The following CHTOP variants were observed in gnomAD, a reference collection of about 807,000 sequenced individuals.
CHTOP encodes chromatin target of PRMT1, also known as chromatin target of PRMT1 protein.
Under a neutral mutation model 33.6 loss-of-function variants are expected in CHTOP, and 18 were observed. The observed-to-expected ratio is 0.54, with a 90% CI of 0.37 to 0.80. CHTOP has a LOEUF of 0.80. CHTOP is among the 30% of genes least tolerant of loss of function. The pLI, the probability that CHTOP is intolerant of heterozygous loss-of-function variation, is 0.00. For synonymous variants in CHTOP, 117 were observed against 127.7 expected (o/e 0.92, Z 0.56); for missense variants, 263 against 336.8 (o/e 0.78, Z 1.71).
At chr1:153,642,599 C>A in intron 4 of CHTOP, 170 bp downstream of exon 4, 2 of 506,074 alleles carry the variant, frequency 4.0e-6, no homozygotes, top group Non-Finnish European at 3.4e-6. Flanking sequence ...CAATACCATT[C>A]CTTTTCTGAT....
At chr1:153,643,020 C>G (rs1668683919) in intron 4 of CHTOP, 3 of 603,652 alleles carry the variant, frequency 5.0e-6, no homozygotes, top group Non-Finnish European at 8.8e-6. Flanking sequence ...AATTAACTCC[C>G]AACTTCCAAA....
At chr1:153,636,943 C>G (rs1364266505) in intron 2 of CHTOP, 2 of 321,160 alleles carry the variant, frequency 6.2e-6, no homozygotes, top group South Asian at 4.2e-5. Context: ...ATACTGGGGT[C>G]GTGCAGCACG....
intron 3 of CHTOP, among the ~76,000 whole-genome samples, chr1:153,638,724 C>G (rs1004340676): frequency 1.3e-5 from 2 of 152,194 alleles, no homozygotes; most frequent in African/African-American, 4.8e-5. Context: ...TAACCCTTAA[C>G]ATAGATTAAT....
intron 3 of CHTOP, among the ~76,000 whole-genome samples, chr1:153,638,882 CT>C (rs34440523): frequency 0.29 from 41,343 of 142,364 alleles, 6,180 homozygotes; most frequent in African/African-American, 0.39. Flanking sequence ...CAAAGGTTTT[CT>C]TTTTTTTTTT....
Position 153,639,481 on chromosome 1 carries a change from T to C in CHTOP, c.219+1033T>C, listed in dbSNP as rs530690697. On this transcript the variant is annotated intron_variant, in intron 3 of 5. Transcript: ENST00000368694. ...GGGCTTTGGTAGCATTGCATGGCTATGCATAAATTCAGCAGTTAAATATAA... is the reference window on the plus strand; with the variant it reads ...GGGCTTTGGTAGCATTGCATGGCTACGCATAAATTCAGCAGTTAAATATAA... 1.0e-4 allele frequency: 77 copies of C among 770,796 alleles called. No individual in the cohort carries two copies. In the African/African-American group the frequency reaches 1.4e-3, roughly 14 times the overall value. 47.7% of individuals were successfully genotyped at this position (770,796 alleles called of 1,614,324 possible).
intron 5 of CHTOP, chr1:153,644,509 A>G (rs184993688): frequency 6.5e-6 from 1 of 153,298 alleles, no homozygotes; most frequent in East Asian, 1.9e-4. Context: ...AATCTCCCCT[A>G]CATTGTTCCT....
intron 1 of CHTOP, among the ~76,000 whole-genome samples, chr1:153,634,870 G>C (rs960095635): frequency 4.7e-5 from 7 of 149,672 alleles, no homozygotes; most frequent in Middle Eastern, 3.4e-3. Flanking sequence ...TTTTTTGGGG[G>C]GGGACGGAGT....
intron 5 of CHTOP, chr1:153,644,294 T>A (rs1668727771): frequency 6.6e-6 from 1 of 152,238 alleles, no homozygotes; most frequent in South Asian, 2.1e-4. Context: ...GGTTTCAGGA[T>A]GAAATAACAT....
At chr1:153,640,313 A>G (rs1169432837) in intron 3 of CHTOP, among the ~76,000 whole-genome samples, 2 of 137,958 alleles carry the variant, frequency 1.4e-5, no homozygotes, top group African/African-American at 2.6e-5. Context: ...CATCTCTACT[A>G]AAAAAAAAAA....
chr1:153,635,935 A>G (rs1571313209), intron 1 of CHTOP, among the ~76,000 whole-genome samples: 1 of 151,356 alleles, frequency 6.6e-6, no homozygotes, highest in East Asian at 1.9e-4. Flanking sequence ...GTTTGGGGTT[A>G]TTTGTTTGTT....
In CHTOP at chr1:153,645,155, G is replaced by A. The variant is rs1372796265; in HGVS notation, c.633G>A (p.Leu211=). The A allele has an allele frequency of 3.1e-6, 5 of 1,613,958 alleles. 1 individual carries two copies. The highest frequency in any genetic ancestry group is 2.7e-5 in the African/African-American group (2 of 74,864). ...GAGGTGCCCTTGCTCGCCCTGTATT[G>A]ACCAAGGAGCAGCTGGACAACCAAT... ...RGRGALARPV[L]TKEQLDNQLD... Residue 211 remains leucine (L), a synonymous_variant, in exon 6 of 6, where the codon TTG becomes TTA. Transcript: ENST00000368694.
chr1:153,641,035 A>G (rs1281369578), intron 3 of CHTOP, among the ~76,000 whole-genome samples: 1 of 152,242 alleles, frequency 6.6e-6, no homozygotes, highest in Non-Finnish European at 1.5e-5. Flanking sequence ...CTAACCTGAT[A>G]ATTGTGTGTT....
At chr1:153,643,844 C>T (rs1340027831) in intron 5 of CHTOP, 1 of 152,486 alleles carries the variant, frequency 6.6e-6, no homozygotes, top group Non-Finnish European at 1.5e-5. Flanking sequence ...AATTCAATGT[C>T]ACATTTGGTG....
intron 1 of CHTOP, among the ~76,000 whole-genome samples, chr1:153,635,242 C>A (rs934912237): frequency 6.6e-6 from 1 of 152,080 alleles, no homozygotes; most frequent in South Asian, 2.1e-4. Context: ...ACAATTGGTT[C>A]ATTTCCAAAC....
chr1:153,643,207 T>C lies in CHTOP; in HGVS notation c.404-20T>C, dbSNP rs1487680774. 1 of 1,613,822 alleles carries C rather than the reference T, an allele frequency of 6.2e-7. No individual in the cohort carries two copies. The highest frequency in any genetic ancestry group is 1.3e-5 in the African/African-American group (1 of 75,040). On this transcript the variant is annotated intron_variant, in intron 4 of 5. Transcript: ENST00000368694. ...TCTCTTGGATTTACCTGCATATACA[T>C]TGTATGCCTCCTCTCTAAGGTCAAA...
At chr1:153,637,922 G>T in intron 2 of CHTOP, 1 of 219,216 alleles carries the variant, frequency 4.6e-6, no homozygotes, top group East Asian at 1.1e-4. Flanking sequence ...CTCATATTTG[G>T]CCTTAGAATG....
rs767382040 is a variant in CHTOP at position 153,643,222 on chromosome 1, C to CT, written c.404-4dup. The CT allele has an allele frequency of 1.2e-6, 2 of 1,614,128 alleles. No homozygotes were observed. Among genetic ancestry groups the CT allele is most frequent in the Non-Finnish European group, 1.7e-6 (2 of 1,179,996 alleles). On this transcript the variant is annotated splice_region_variant and splice_polypyrimidine_tract_variant and intron_variant, in intron 4 of 5. Transcript: ENST00000368694. ...TGCATATACATTGTATGCCTCCTCTCTAAGGTCAAAACCTGCTCCGAGGTG... is the reference window on the plus strand; with the variant it reads ...TGCATATACATTGTATGCCTCCTCTCTTAAGGTCAAAACCTGCTCCGAGGTG...
rs1668661801 is a variant in CHTOP, at chr1:153,642,448, G to A, written c.403+19G>A. The stretch of plus-strand genomic sequence containing the variant: ...CTCCGAGGTCAGTGCTGTGTACCCT[G>A]ATAATTGTCGGGCCCTACTCCCTTC... On this transcript the variant is annotated intron_variant, in intron 4 of 5. Coordinates refer to ENST00000368694, the MANE Select transcript of CHTOP (RefSeq NM_015607.4). 2 of 1,573,780 alleles carry A rather than the reference G, an allele frequency of 1.3e-6. No individual in the cohort carries two copies. The highest frequency in any genetic ancestry group is 2.7e-5 in the African/African-American group (2 of 73,884).
At chr1:153,636,740 A>G (rs545723415) in intron 2 of CHTOP, 87 bp downstream of exon 2, 2 of 1,117,040 alleles carry the variant, frequency 1.8e-6, no homozygotes, top group South Asian at 2.6e-5. Context: ...AGCCAATTTT[A>G]AGCTAAATAC....
Sources: allele counts gnomAD v4.1 joint callset (sites outside exome capture counted in the v4.1 genomes callset), GRCh38; gene constraint gnomAD v4.1.1; transcripts MANE v1.5; gene names NCBI Gene and HGNC (gene_info 2026-07-23, HGNC 2026-07-21).